Variants in SNX31 observed in about 807,000 individuals in gnomAD.
SNX31 encodes the protein sorting nexin-31.
Under a neutral mutation model 65.4 loss-of-function variants are expected in SNX31, and 58 were observed. That is an observed-to-expected ratio of 0.89 (90% CI 0.72 to 1.10). The LOEUF (loss-of-function observed/expected upper bound fraction) is 1.10. Ranked by LOEUF, SNX31 falls within the 50% of genes least tolerant of loss-of-function variation. The pLI is 0.00. For missense variants in SNX31, 523 were observed against 529.7 expected, an observed-to-expected ratio of 0.99 and a Z score of 0.12; for synonymous variants, 181 against 190.1, an observed-to-expected ratio of 0.95 and a Z score of 0.39.
In SNX31 at chr8:100,629,318, C is replaced by T. The variant is rs935824408; in HGVS notation, c.321+1009G>A. Reference sequence around the variant, plus strand: ...GAAAAGTTACTTTTCATTGTATACGCTTGGCTATTTGAATTTTACTATCAT... The same window carrying T: ...GAAAAGTTACTTTTCATTGTATACGTTTGGCTATTTGAATTTTACTATCAT... On this transcript the variant is annotated intron_variant, in intron 4 of 13. Coordinates refer to ENST00000311812, the MANE Select transcript of SNX31 (RefSeq NM_152628.4). This position sits in a 1 kb window ranked among gnomAD's most constrained non-coding sequence, Gnocchi z 5.1. Among the ~76,000 whole-genome samples the T allele has an allele frequency of 2.0e-5, 3 of 152,126 alleles. No individual in the cohort carries two copies. In the South Asian group the frequency reaches 6.2e-4, roughly 31 times the overall value.
At position 100,575,304 on chromosome 8, in the gene SNX31, G is replaced by A. The variant is rs1812957199; in HGVS notation, c.1228-1344C>T. ...TCAGTTCTCTGTGCAGTAAGCCAAG[G>A]ATAATAACAGTGCTTTGGTTGTTTA... On this transcript the variant is annotated intron_variant, in intron 13 of 13. Coordinates refer to ENST00000311812, the MANE Select transcript of SNX31 (RefSeq NM_152628.4). The surrounding 1 kb of genome is among the most constrained non-coding windows in gnomAD (Gnocchi z 5.1). Among the ~76,000 whole-genome samples, 1 of 152,194 alleles carries A rather than the reference G, an allele frequency of 6.6e-6. No homozygotes were observed. Among genetic ancestry groups the A allele is most frequent in the Admixed American group, 6.5e-5 (1 of 15,286 alleles).
chr8:100,605,015 C>T (rs1290107514), intron 8 of SNX31, among the ~76,000 whole-genome samples: 1 of 152,104 alleles, frequency 6.6e-6, no homozygotes, highest in Non-Finnish European at 1.5e-5. Flanking sequence ...TCTCCTGCCT[C>T]GGCCTCCCGA....
Position 100,657,781 on chromosome 8 carries a change from G to A in SNX31, c.-58+5361C>T, listed in dbSNP as rs752253962. 56 of 456,024 alleles carry A rather than the reference G, an allele frequency of 1.2e-4. No homozygotes were observed. In the Middle Eastern group the frequency reaches 2.6e-3, roughly 21 times the overall value. The allele number at this position is 456,024 out of a possible 1,614,324, so 28.2% of individuals were successfully genotyped here. The stretch of plus-strand genomic sequence containing the variant: ...GACTACTTGGGAGGCTGAGGCAGGA[G>A]AATCCCTTGAACCTGGGAGGCAGAG... On this transcript the variant is annotated intron_variant, in intron 1 of 5. Transcript: ENST00000520352.
chr8:100,617,711 G>A lies in SNX31; in HGVS notation c.341C>T (p.Thr114Ile). Residue 114 changes from threonine to isoleucine, a missense_variant, in exon 5 of 14, where the codon ACC (threonine) becomes ATC (isoleucine). Transcript: ENST00000311812. ...AAATATGTCCAGATAAGCTTTCTTG[G>A]TGGCGATGTCAAATGTATTCTATAA... ...LAQLNTFDIA[T>I]KKAYLDIFLP... The A allele has an allele frequency of 1.2e-6, 2 of 1,612,718 alleles. No individual in the cohort carries two copies. The highest frequency in any genetic ancestry group is 8.5e-7 in the Non-Finnish European group (1 of 1,179,618).
rs1014701222 is a variant in SNX31, at chr8:100,614,603, G to A, written c.433-1518C>T. Among the ~76,000 whole-genome samples, 7 of 152,096 alleles carry A rather than the reference G, an allele frequency of 4.6e-5. No homozygotes were observed. Among genetic ancestry groups the A allele is most frequent in the African/African-American group, 1.2e-4 (5 of 41,430 alleles). On this transcript the variant is annotated intron_variant, in intron 5 of 13. Transcript: ENST00000311812. The surrounding 1 kb of genome is among the most constrained non-coding windows in gnomAD (Gnocchi z 5.1). ...TAAAGAGGCCATTGAGGCCCGGCACGGTGGCTCATGCCTGTAATCCCAGCA... is the reference window on the plus strand; with the variant it reads ...TAAAGAGGCCATTGAGGCCCGGCACAGTGGCTCATGCCTGTAATCCCAGCA...
intron 2 of SNX31, among the ~76,000 whole-genome samples, chr8:100,637,765 G>T (rs1373151030): frequency 6.6e-6 from 1 of 151,670 alleles, no homozygotes; most frequent in African/African-American, 2.4e-5. Flanking sequence ...GCATGATCTT[G>T]GCTCACTGCA....
intron 1 of SNX31, among the ~76,000 whole-genome samples, chr8:100,658,572 A>G (rs563843442): frequency 6.6e-5 from 10 of 152,258 alleles, no homozygotes; most frequent in African/African-American, 1.9e-4. Flanking sequence ...CCACACAACA[A>G]CCCTATGAAA....
rs1367034123 is a variant in SNX31, at chr8:100,612,787, A to G, written c.523+208T>C. Among the ~76,000 whole-genome samples the G allele has an allele frequency of 6.6e-6, 1 of 152,030 alleles. No individual in the cohort carries two copies. The highest frequency in any genetic ancestry group is 6.6e-5 in the Admixed American group (1 of 15,264). ...GGGGGTACACAAGTGCAGTTACTGGACCACCCAAGGTATGAGCGGTTTGCC... is the reference window on the plus strand; with the variant it reads ...GGGGGTACACAAGTGCAGTTACTGGGCCACCCAAGGTATGAGCGGTTTGCC... On this transcript the variant is annotated intron_variant, in intron 6 of 13. Coordinates refer to ENST00000311812, the MANE Select transcript of SNX31 (RefSeq NM_152628.4). The surrounding 1 kb of genome is among the most constrained non-coding windows in gnomAD (Gnocchi z 4.3).
rs1815955298 is a variant in SNX31, at chr8:100,604,490, T to C, written c.681+4004A>G. ...GTGCCTGGACAAGGTCACCAGGCCA[T>C]AGGGGAGTCAGGAAGCCAAAGGTCA... is the stretch of plus-strand genomic sequence containing the variant. On this transcript the variant is annotated intron_variant, in intron 8 of 13. Coordinates refer to ENST00000311812, the MANE Select transcript of SNX31 (RefSeq NM_152628.4). This position sits in a 1 kb window ranked among gnomAD's most constrained non-coding sequence, Gnocchi z 4.3. 6.6e-6 allele frequency among the ~76,000 whole-genome samples: 1 copy of C among 152,118 alleles called. No individual in the cohort carries two copies. Among genetic ancestry groups the C allele is most frequent in the Non-Finnish European group, 1.5e-5 (1 of 68,020 alleles).
Position 100,612,084 on chromosome 8 carries a change from A to T in SNX31, c.527T>A (p.Val176Glu). 6.2e-7 allele frequency: 1 copy of T among 1,612,696 alleles called. No individual in the cohort carries two copies. The highest frequency in any genetic ancestry group is 1.1e-5 in the South Asian group (1 of 91,024). Residue 176 changes from valine (V) to glutamate (E), a missense_variant, in exon 7 of 14, where the codon GTG (valine) becomes GAG (glutamate). By Grantham distance (121) the Val-to-Glu change is moderately radical (BLOSUM62 -2). Coordinates refer to ENST00000311812, the MANE Select transcript of SNX31 (RefSeq NM_152628.4). The surrounding 1 kb of genome is among the most constrained non-coding windows in gnomAD (Gnocchi z 4.3). ...GAGTTCAAAGTCAGCCAATTTTTTC[A>T]CAACTAGAGAAAGGAGAAAGCCGGT... ...RFGKEGKLSVVKKLADFELPY... is the reference protein window; with the variant it reads ...RFGKEGKLSVEKKLADFELPY...
In SNX31 at chr8:100,637,379, T is replaced by C. The variant is rs1818852337; in HGVS notation, c.142-1368A>G. On this transcript the variant is annotated intron_variant, in intron 2 of 13. Coordinates refer to ENST00000311812, the MANE Select transcript of SNX31 (RefSeq NM_152628.4). ...GAGGGCTGAAATCTTACTATTACCA[T>C]ACTCAGTGGCTTAAAGAAAATGAAA... Among the ~76,000 whole-genome samples the C allele has an allele frequency of 2.0e-5, 3 of 152,170 alleles. No homozygotes were observed. The South Asian group carries it at 6.2e-4, about 32-fold the overall frequency.
In SNX31 at chr8:100,642,077, TCAAA is replaced by T. The variant is rs5893527; in HGVS notation, c.142-6070_142-6067del. 1.7e-4 allele frequency among the ~76,000 whole-genome samples: 25 copies of T among 150,452 alleles called. No individual in the cohort carries two copies. In the East Asian group the frequency reaches 4.6e-3, roughly 27 times the overall value. On this transcript the variant is annotated intron_variant, in intron 2 of 13. Transcript: ENST00000311812. ...CTGGGCGACAGAGCGAGACTCCATC[TCAAA>T]CAAACAAACAAACAAAATATTATAA...
Position 100,588,583 on chromosome 8 carries a change from C to T in SNX31, c.1092+283G>A, listed in dbSNP as rs1159748922. On this transcript the variant is annotated intron_variant, in intron 11 of 13. Transcript: ENST00000311812. This position sits in a 1 kb window ranked among gnomAD's most constrained non-coding sequence, Gnocchi z 4.8. ...TCTCAAATCCTAAAATATTTACTAT[C>T]CTTTAAGAAAAAGTCTATGGACTCC... Among the ~76,000 whole-genome samples the T allele has an allele frequency of 6.6e-6, 1 of 152,134 alleles. No individual in the cohort carries two copies. The highest frequency in any genetic ancestry group is 1.5e-5 in the Non-Finnish European group (1 of 68,024).
At position 100,604,939 on chromosome 8, in the gene SNX31, C is replaced by T. The variant is rs1816002281; in HGVS notation, c.681+3555G>A. Among the ~76,000 whole-genome samples, 1 of 151,752 alleles carries T rather than the reference C, an allele frequency of 6.6e-6. No individual in the cohort carries two copies. The highest frequency in any genetic ancestry group is 1.5e-5 in the Non-Finnish European group (1 of 67,986). On this transcript the variant is annotated intron_variant, in intron 8 of 13. Coordinates refer to ENST00000311812, the MANE Select transcript of SNX31 (RefSeq NM_152628.4). The surrounding 1 kb of genome is among the most constrained non-coding windows in gnomAD (Gnocchi z 4.3). ...TTTTTGACAGAGTCTCGTGCTGTCACCCAAGCAGGAGTACAGTGACATATT... is the reference window on the plus strand; with the variant it reads ...TTTTTGACAGAGTCTCGTGCTGTCATCCAAGCAGGAGTACAGTGACATATT...
At chr8:100,600,970 A>C (rs1279433309) in intron 8 of SNX31, among the ~76,000 whole-genome samples, 1 of 152,222 alleles carries the variant, frequency 6.6e-6, no homozygotes. Context: ...GGAAAAATGT[A>C]AGCATCACCA....
Position 100,578,560 on chromosome 8 carries a change from A to T in SNX31, c.1171-1485T>A, listed in dbSNP as rs2130775066. Among the ~76,000 whole-genome samples, 1 of 152,276 alleles carries T rather than the reference A, an allele frequency of 6.6e-6. No homozygotes were observed. Among genetic ancestry groups the T allele is most frequent in the African/African-American group, 2.4e-5 (1 of 41,558 alleles). Reference sequence around the variant, plus strand: ...AAATAACATGACACTGCAAAAAAGCATTACCTTTCAACTATGGTTAACTTT... The same window carrying T: ...AAATAACATGACACTGCAAAAAAGCTTTACCTTTCAACTATGGTTAACTTT... On this transcript the variant is annotated intron_variant, in intron 12 of 13. Coordinates refer to ENST00000311812, the MANE Select transcript of SNX31 (RefSeq NM_152628.4). The surrounding 1 kb of genome is among the most constrained non-coding windows in gnomAD (Gnocchi z 4.7).
intron 3 of SNX31, among the ~76,000 whole-genome samples, chr8:100,632,509 T>C (rs946659550): frequency 4.6e-5 from 7 of 152,162 alleles, no homozygotes; most frequent in Non-Finnish European, 1.0e-4. Context: ...CTATGACTGC[T>C]GATGTAGAAT....
intron 1 of SNX31, among the ~76,000 whole-genome samples, chr8:100,661,567 G>A (rs1191737345): frequency 6.6e-6 from 1 of 152,010 alleles, no homozygotes; most frequent in African/African-American, 2.4e-5. Flanking sequence ...AATCTAGATA[G>A]GGTCTCACTC....
rs141328291 is a variant in SNX31, at chr8:100,590,878, G to C, written c.979-1899C>G. Among the ~76,000 whole-genome samples the C allele has an allele frequency of 9.9e-5, 15 of 152,284 alleles. No individual in the cohort carries two copies. The East Asian group carries it at 2.9e-3, about 29-fold the overall frequency. ...GATAACGCAGTACTGTTAACCCAGAGAGAAGGAAAACCAAATGAAGTGAGC... is the reference window on the plus strand; with the variant it reads ...GATAACGCAGTACTGTTAACCCAGACAGAAGGAAAACCAAATGAAGTGAGC... On this transcript the variant is annotated intron_variant, in intron 10 of 13. Transcript: ENST00000311812.
Sources: gnomAD v4.1 joint callset for allele counts (sites outside exome capture counted in the v4.1 genomes callset) on GRCh38, gnomAD v4.1.1 for gene constraint, Gnocchi (gnomAD v3.1) non-coding constraint, MANE v1.5 for transcripts, NCBI Gene and HGNC (gene_info 2026-07-23, HGNC 2026-07-21) for gene names.